The following GLIS3 variants were observed in gnomAD, a reference collection of about 807,000 sequenced individuals.
GLIS3 encodes zinc finger protein GLIS3.
GLIS3 carries 53 observed loss-of-function variants against 78.6 expected under a neutral mutation model. The observed-to-expected ratio is 0.67, with a 90% CI of 0.54 to 0.85. The LOEUF (loss-of-function observed/expected upper bound fraction) is 0.85. GLIS3 is among the 40% of genes least tolerant of loss of function. GLIS3 has a pLI of 0.00. For missense variants in GLIS3, 1,703 were observed against 1,231.1 expected (o/e 1.38, Z -5.74); for synonymous variants, 684 against 509.9 (o/e 1.34, Z -4.60).
intron 6 of GLIS3, among the ~76,000 whole-genome samples, chr9:3,925,392 T>C (rs1260858291): frequency 2.0e-5 from 3 of 152,200 alleles, no homozygotes; most frequent in Non-Finnish European, 4.4e-5. Context: ...GCCTCGCCTG[T>C]ACTGAGTACA....
chr9:4,184,282 T>C (rs978671987), intron 2 of GLIS3, among the ~76,000 whole-genome samples: 20 of 152,316 alleles, frequency 1.3e-4, no homozygotes, highest in African/African-American at 4.8e-4. Flanking sequence ...CCTTGTGTCT[T>C]TGCATGAAGA....
intron 2 of GLIS3, among the ~76,000 whole-genome samples, chr9:4,182,654 A>G (rs1817435068): frequency 1.3e-5 from 2 of 152,232 alleles, no homozygotes; most frequent in African/African-American, 4.8e-5. Flanking sequence ...TTATATGGGC[A>G]AGATCTCCAT....
At chr9:4,277,891 A>G (rs1285824498) in intron 2 of GLIS3, among the ~76,000 whole-genome samples, 1 of 152,180 alleles carries the variant, frequency 6.6e-6, no homozygotes, top group Non-Finnish European at 1.5e-5. Flanking sequence ...GAAATACAAT[A>G]TAACCGGGAT....
At chr9:4,439,325 G>C in the GLIS3 span, among the ~76,000 whole-genome samples, 2 of 152,176 alleles carry the variant, frequency 1.3e-5, no homozygotes, top group African/African-American at 4.8e-5. Flanking sequence ...TGTTCACAGA[G>C]TTGTGCAGCC....
At chr9:4,164,997 T>C (rs1165219956) in intron 2 of GLIS3, among the ~76,000 whole-genome samples, 3 of 152,204 alleles carry the variant, frequency 2.0e-5, no homozygotes, top group Non-Finnish European at 4.4e-5. Context: ...CATGCTTTGC[T>C]TTGGTACACT....
chr9:4,001,550 G>A (rs572569706), intron 4 of GLIS3, among the ~76,000 whole-genome samples: 8 of 152,096 alleles, frequency 5.3e-5, no homozygotes, highest in Admixed American at 6.5e-5. Context: ...TCTCTCCCAC[G>A]TAAAGCTGTG....
intron 4 of GLIS3, among the ~76,000 whole-genome samples, chr9:4,052,585 A>G (rs1336369901): frequency 6.6e-6 from 1 of 152,196 alleles, no homozygotes; most frequent in African/African-American, 2.4e-5. Context: ...TGAATGATAC[A>G]ATATGTGGCC....
chr9:4,483,410 A>G, the GLIS3 span, among the ~76,000 whole-genome samples: 1 of 152,108 alleles, frequency 6.6e-6, no homozygotes, highest in Non-Finnish European at 1.5e-5. Flanking sequence ...ACAACTCTAT[A>G]TTTGTTCCTT....
intron 2 of GLIS3, among the ~76,000 whole-genome samples, chr9:4,268,043 G>C (rs184183085): frequency 4.1e-4 from 63 of 151,994 alleles, no homozygotes; most frequent in African/African-American, 1.3e-3. Context: ...ATACACACGT[G>C]CGTGCGTGCG....
chr9:3,854,094 G>A (rs1303749839), intron 9 of GLIS3, among the ~76,000 whole-genome samples: 3 of 152,204 alleles, frequency 2.0e-5, no homozygotes, highest in East Asian at 1.9e-4. Flanking sequence ...CACTCAGGCT[G>A]TGCATCTACT....
chr9:4,098,665 C>T (rs1337048150), intron 4 of GLIS3, among the ~76,000 whole-genome samples: 1 of 152,144 alleles, frequency 6.6e-6, no homozygotes, highest in Non-Finnish European at 1.5e-5. Flanking sequence ...AATATTCTGC[C>T]TCATCCTTTG....
intron 6 of GLIS3, among the ~76,000 whole-genome samples, chr9:3,913,765 T>C (rs1006058769): frequency 6.6e-6 from 1 of 152,244 alleles, no homozygotes; most frequent in Non-Finnish European, 1.5e-5. Flanking sequence ...GTAATAGCTA[T>C]TTAGAAATTA....
chr9:4,132,848 G>A (rs1564097043), intron 2 of GLIS3, among the ~76,000 whole-genome samples: 1 of 152,214 alleles, frequency 6.6e-6, no homozygotes, highest in Non-Finnish European at 1.5e-5. Context: ...ATTAGGGTTT[G>A]AGTCTTGCCT....
the GLIS3 span, among the ~76,000 whole-genome samples, chr9:4,435,404 C>T: frequency 1.3e-5 from 2 of 152,198 alleles, no homozygotes; most frequent in Non-Finnish European, 2.9e-5. Flanking sequence ...GGGAGCTTAG[C>T]AGATCCTCGC....
At chr9:4,466,763 G>A in the GLIS3 span, among the ~76,000 whole-genome samples, 3 of 152,170 alleles carry the variant, frequency 2.0e-5, no homozygotes, top group Non-Finnish European at 2.9e-5. Flanking sequence ...TGAGGTACAG[G>A]GTTCATCTCA....
At chr9:3,870,582 G>A (rs1820908990) in intron 8 of GLIS3, among the ~76,000 whole-genome samples, 1 of 152,186 alleles carries the variant, frequency 6.6e-6, no homozygotes, top group Admixed American at 6.6e-5. Context: ...TACATGGATG[G>A]CAGAAGGCAA....
At chr9:4,415,920 C>A in the GLIS3 span, among the ~76,000 whole-genome samples, 1 of 151,706 alleles carries the variant, frequency 6.6e-6, no homozygotes, top group Non-Finnish European at 1.5e-5. Context: ...GAGCCCCACT[C>A]CTCAGAAGTA....
At chr9:4,436,568 G>A in the GLIS3 span, among the ~76,000 whole-genome samples, 1 of 152,050 alleles carries the variant, frequency 6.6e-6, no homozygotes, top group Non-Finnish European at 1.5e-5. Flanking sequence ...ACTTTGGGAG[G>A]CCAAGGCGGG....
chr9:3,884,395 G>C (rs1321078377), intron 7 of GLIS3, among the ~76,000 whole-genome samples: 2 of 152,130 alleles, frequency 1.3e-5, no homozygotes, highest in Admixed American at 6.5e-5. Flanking sequence ...TCCCTTGTCA[G>C]GCTAAGGTAT....
Sources: gnomAD v4.1 joint callset for allele counts (sites outside exome capture counted in the v4.1 genomes callset) on GRCh38, gnomAD v4.1.1 for gene constraint, MANE v1.5 for transcripts, NCBI Gene and HGNC (gene_info 2026-07-23, HGNC 2026-07-21) for gene names.